Variants in RC3H1 observed in about 807,000 individuals in gnomAD.
The protein encoded by RC3H1 is roquin-1.
In RC3H1, 50 loss-of-function variants were observed where a neutral mutation model predicts 138.2. That is an observed-to-expected ratio of 0.36 (90% CI 0.29 to 0.46). The LOEUF (loss-of-function observed/expected upper bound fraction) is 0.46, where lower values mean the gene tolerates loss of function less well. Ranked by LOEUF, RC3H1 falls within the 20% of genes least tolerant of loss-of-function variation. The pLI is 1.00. For synonymous variants in RC3H1, 462 were observed against 489.1 expected, an observed-to-expected ratio of 0.94 and a Z score of 0.73; for missense variants, 1,031 against 1,388.1, an observed-to-expected ratio of 0.74 and a Z score of 4.09.
chr1:174,019,093 T>C (rs1224316137), intron 1 of RC3H1, among the ~76,000 whole-genome samples: 6 of 152,234 alleles, frequency 3.9e-5, no homozygotes, highest in African/African-American at 1.4e-4. Flanking sequence ...ATTTAGTAAT[T>C]GCCTATGTAA....
chr1:174,021,977 C>T (rs957350546), intron 1 of RC3H1, 119 bp downstream of exon 1: 12 of 378,720 alleles, frequency 3.2e-5, no homozygotes, highest in Non-Finnish European at 4.7e-5. Flanking sequence ...GCCGCTGCCG[C>T]GGAGGAGCAG....
In RC3H1 at chr1:173,941,314, G is replaced by C. The variant is rs199782255; in HGVS notation, c.3202C>G (p.Pro1068Ala). 1.9e-6 allele frequency: 3 copies of C among 1,613,736 alleles called. No homozygotes were observed. The highest frequency in any genetic ancestry group is 2.5e-6 in the Non-Finnish European group (3 of 1,179,952). ...GCCGGAACCTTGTTTTGTGGTTCTG[G>C]TTGTCCATTTTCTGCTTGTTTACTT... The part of the protein sequence containing the change: ...NTSKQAENGQ[P>A]EPQNKVPAED... Residue 1068 changes from proline (P) to alanine (A), a missense_variant, in exon 19 of 20, where the codon CCA becomes GCA. Transcript: ENST00000367696.
At chr1:173,978,341 T>C (rs963286808) in intron 7 of RC3H1, 147 bp downstream of exon 7, 4 of 725,030 alleles carry the variant, frequency 5.5e-6, no homozygotes, top group Non-Finnish European at 8.5e-6. Context: ...AGGGAAAAGA[T>C]TTAAAATGGA....
intron 13 of RC3H1, among the ~76,000 whole-genome samples, chr1:173,955,392 A>G (rs1200210723): frequency 7.0e-6 from 1 of 141,998 alleles, no homozygotes; most frequent in East Asian, 2.1e-4. Flanking sequence ...ATCTCGGCTC[A>G]CTGCAAGCTC....
At chr1:173,994,296 G>A (rs1312102041) in intron 1 of RC3H1, among the ~76,000 whole-genome samples, 1 of 151,956 alleles carries the variant, frequency 6.6e-6, no homozygotes, top group Non-Finnish European at 1.5e-5. Flanking sequence ...GGGAAGCTGA[G>A]TAAGGAGAAT....
Position 173,947,457 on chromosome 1 carries a change from T to C in RC3H1, c.2649A>G (p.Ser883=). 6.2e-7 allele frequency: 1 copy of C among 1,613,944 alleles called. No homozygotes were observed. The highest frequency in any genetic ancestry group is 1.1e-5 in the South Asian group (1 of 91,056). Reference sequence around the variant, plus strand: ...CCTGATATATAGTTTTGGAAGTTCGTGAGATGGCACCAAACCGAGACACTG... The same window carrying C: ...CCTGATATATAGTTTTGGAAGTTCGCGAGATGGCACCAAACCGAGACACTG... ...RPTVSRFGAI[S]RTSKTIYQGA... The change falls in exon 15 of 20, where the codon TCA becomes TCG. Residue 883 remains serine (S), a synonymous_variant. Transcript: ENST00000367696.
At chr1:173,958,110 A>G (rs1659722011) in intron 13 of RC3H1, among the ~76,000 whole-genome samples, 1 of 152,212 alleles carries the variant, frequency 6.6e-6, no homozygotes, top group African/African-American at 2.4e-5. Context: ...AATTCTATAC[A>G]TAAAGGATGC....
At chr1:173,961,403 C>T (rs1020780909) in intron 12 of RC3H1, among the ~76,000 whole-genome samples, 159 bp from the exon 13 acceptor site, 3 of 152,004 alleles carry the variant, frequency 2.0e-5, no homozygotes, top group African/African-American at 7.2e-5. Flanking sequence ...AACAAAACCC[C>T]CCAAACTCTC....
chr1:173,942,899 G>T (rs1401834726), intron 18 of RC3H1, among the ~76,000 whole-genome samples: 1 of 151,840 alleles, frequency 6.6e-6, no homozygotes, highest in Non-Finnish European at 1.5e-5. Context: ...AAGCCCCTAA[G>T]ATTCAAAATT....
chr1:173,947,893 C>T (rs1659203210), intron 14 of RC3H1, among the ~76,000 whole-genome samples: 1 of 151,900 alleles, frequency 6.6e-6, no homozygotes, highest in South Asian at 2.1e-4. Flanking sequence ...CAGGCATGTA[C>T]CAGCACACCC....
At chr1:174,018,084 G>C (rs886582766) in intron 1 of RC3H1, among the ~76,000 whole-genome samples, 1 of 152,020 alleles carries the variant, frequency 6.6e-6, no homozygotes, top group Non-Finnish European at 1.5e-5. Context: ...AGGTAAGGCG[G>C]GAATAACACT....
At chr1:174,018,646 G>A (rs1165089743) in intron 1 of RC3H1, among the ~76,000 whole-genome samples, 1 of 152,150 alleles carries the variant, frequency 6.6e-6, no homozygotes, top group Non-Finnish European at 1.5e-5. Context: ...GACGGTTCTG[G>A]GAAAAGGCTG....
chr1:173,959,265 G>T (rs1022844317), intron 13 of RC3H1, among the ~76,000 whole-genome samples: 1 of 151,066 alleles, frequency 6.6e-6, no homozygotes. Context: ...TGAATAGAAG[G>T]GTCAATACAT....
chr1:173,950,792 G>A (rs1245799387), intron 14 of RC3H1, among the ~76,000 whole-genome samples: 2 of 152,068 alleles, frequency 1.3e-5, no homozygotes, highest in African/African-American at 2.4e-5. Context: ...CAGCATTTTG[G>A]GAGGGAGAGG....
At chr1:173,961,598 A>T (rs927517522) in intron 12 of RC3H1, 127 bp downstream of exon 12, 63 of 757,590 alleles carry the variant, frequency 8.3e-5, no homozygotes, top group Middle Eastern at 4.6e-4. Flanking sequence ...GAAAAGATTT[A>T]AAAAAAAAAG....
chr1:173,968,796 T>C (rs1660225660), intron 9 of RC3H1, among the ~76,000 whole-genome samples: 2 of 152,028 alleles, frequency 1.3e-5, no homozygotes, highest in Non-Finnish European at 2.9e-5. Flanking sequence ...TTCTGATTTA[T>C]AATATAATTT....
chr1:173,943,380 T>C (rs1658991679), intron 18 of RC3H1, 62 bp downstream of exon 18: 1 of 1,493,902 alleles, frequency 6.7e-7, no homozygotes, highest in African/African-American at 1.4e-5. Context: ...CTCTAGATAA[T>C]TCTAGAGCCA....
At chr1:174,006,613 G>A (rs1661656882) in intron 1 of RC3H1, among the ~76,000 whole-genome samples, 1 of 152,018 alleles carries the variant, frequency 6.6e-6, no homozygotes, top group African/African-American at 2.4e-5. Flanking sequence ...ATAATCATTA[G>A]TCAGCCATAA....
chr1:173,944,671 T>C (rs1225186554), intron 17 of RC3H1, among the ~76,000 whole-genome samples: 4 of 152,194 alleles, frequency 2.6e-5, no homozygotes, highest in Admixed American at 1.3e-4. Flanking sequence ...GAACGAAAGA[T>C]TGCCATAAGC....
Sources: allele counts gnomAD v4.1 joint callset (sites outside exome capture counted in the v4.1 genomes callset), GRCh38; gene constraint gnomAD v4.1.1; transcripts MANE v1.5; gene names NCBI Gene and HGNC (gene_info 2026-07-23, HGNC 2026-07-21).